KLHL29: variants seen among roughly 807,000 people sequenced by gnomAD.
KLHL29 encodes kelch like family member 29, also known as kelch-like protein 29.
KLHL29 carries 21 observed loss-of-function variants against 80.4 expected under a neutral mutation model. The observed-to-expected ratio is 0.26, with a 90% CI of 0.19 to 0.38. The LOEUF (loss-of-function observed/expected upper bound fraction) is 0.38, where lower values mean the gene tolerates loss of function less well. Among genes scored for constraint, KLHL29 ranks in the 10% least tolerant of loss-of-function variants. The pLI is 1.00. For missense variants in KLHL29, 867 were observed against 1,223.9 expected (o/e 0.71, Z 4.35); for synonymous variants, 511 against 526.8 (o/e 0.97, Z 0.41).
intron 5 of KLHL29, among the ~76,000 whole-genome samples, chr2:23,663,836 G>T (rs777904036): frequency 2.6e-5 from 4 of 152,160 alleles, no homozygotes; most frequent in African/African-American, 9.7e-5. Context: ...CTGGAGTTTG[G>T]GCTGCTGATT....
intron 2 of KLHL29, among the ~76,000 whole-genome samples, chr2:23,496,318 T>TA (rs1331132287): frequency 6.6e-6 from 1 of 152,240 alleles, no homozygotes; most frequent in African/African-American, 2.4e-5. Context: ...AGATAAGTTG[T>TA]ATGACAACAA....
At chr2:23,483,963 AC>A (rs932040579) in intron 2 of KLHL29, among the ~76,000 whole-genome samples, 2 of 152,146 alleles carry the variant, frequency 1.3e-5, no homozygotes, top group African/African-American at 4.8e-5. Context: ...AGCACATACG[AC>A]GTGTCAAGCC....
chr2:23,387,032 A>G (rs955348946), intron 1 of KLHL29, among the ~76,000 whole-genome samples: 49 of 151,896 alleles, frequency 3.2e-4, no homozygotes, highest in African/African-American at 1.1e-3. Context: ...CTGATGGGTA[A>G]GGAGCTGCCG....
intron 2 of KLHL29, among the ~76,000 whole-genome samples, chr2:23,519,669 C>A (rs553930937): frequency 6.6e-6 from 1 of 152,272 alleles, no homozygotes; most frequent in Non-Finnish European, 1.5e-5. Flanking sequence ...GAAGTCCTGA[C>A]GACATGTTCC....
intron 2 of KLHL29, among the ~76,000 whole-genome samples, chr2:23,531,608 T>C (rs1015976971): frequency 3.9e-5 from 6 of 152,158 alleles, no homozygotes; most frequent in Non-Finnish European, 1.5e-5. Context: ...GAGTCACTTA[T>C]TAAAGCTTAA....
intron 3 of KLHL29, among the ~76,000 whole-genome samples, chr2:23,581,344 A>C (rs1409384105): frequency 6.6e-6 from 1 of 152,116 alleles, no homozygotes; most frequent in African/African-American, 2.4e-5. Context: ...TTCAACAAAT[A>C]CTCATGCTTT....
intron 1 of KLHL29, among the ~76,000 whole-genome samples, chr2:23,411,386 T>TGTGTGC (rs1666856401): frequency 6.9e-6 from 1 of 144,348 alleles, no homozygotes; most frequent in South Asian, 2.3e-4. Flanking sequence ...AAATTGTGTG[T>TGTGTGC]GTGTGTGTGT....
intron 1 of KLHL29, among the ~76,000 whole-genome samples, chr2:23,399,106 A>G (rs1666527508): frequency 6.6e-6 from 1 of 152,200 alleles, no homozygotes; most frequent in Admixed American, 6.5e-5. Context: ...CTGACTGTGG[A>G]CAACTCCAAT....
At chr2:23,535,088 T>G (rs1055934428) in intron 2 of KLHL29, among the ~76,000 whole-genome samples, 13 of 152,230 alleles carry the variant, frequency 8.5e-5, no homozygotes, top group Non-Finnish European at 1.5e-5. Flanking sequence ...TTATGGACAT[T>G]ATATCTCCAT....
At chr2:23,638,147 C>T (rs1206205929) in intron 3 of KLHL29, among the ~76,000 whole-genome samples, 1 of 150,510 alleles carries the variant, frequency 6.6e-6, no homozygotes, top group East Asian at 1.9e-4. Context: ...TACCCATAAT[C>T]CTCTCACCCA....
At chr2:23,549,184 T>C (rs576704679) in intron 2 of KLHL29, among the ~76,000 whole-genome samples, 40 of 152,310 alleles carry the variant, frequency 2.6e-4, no homozygotes, top group African/African-American at 9.6e-4. Context: ...CAGCGGGGTG[T>C]GGTGCTCCTC....
chr2:23,425,981 T>C (rs1045104456), intron 1 of KLHL29, among the ~76,000 whole-genome samples: 2 of 152,140 alleles, frequency 1.3e-5, no homozygotes, highest in Non-Finnish European at 2.9e-5. Context: ...ATGTGTGCAT[T>C]CTTCCAGTGT....
At chr2:23,607,032 C>T (rs1668745250) in intron 3 of KLHL29, among the ~76,000 whole-genome samples, 1 of 152,174 alleles carries the variant, frequency 6.6e-6, no homozygotes, top group Non-Finnish European at 1.5e-5. Flanking sequence ...CTCATGAGCC[C>T]CATATGAGGG....
chr2:23,458,092 C>T (rs1267592897), intron 1 of KLHL29, among the ~76,000 whole-genome samples: 3 of 152,230 alleles, frequency 2.0e-5, no homozygotes, highest in African/African-American at 4.8e-5. Flanking sequence ...ATGTCAGTAA[C>T]AGTGCTATAG....
In KLHL29 at chr2:23,706,720, C is replaced by A; in HGVS notation, c.*56C>A. 3 of 1,307,784 alleles carry A rather than the reference C, an allele frequency of 2.3e-6. No individual in the cohort carries two copies. Among genetic ancestry groups the A allele is most frequent in the Non-Finnish European group, 3.0e-6 (3 of 993,240 alleles). The allele number at this position is 1,307,784 out of a possible 1,614,324, so 81.0% of individuals were successfully genotyped here. On this transcript the variant is annotated 3_prime_UTR_variant, in exon 14 of 14. Coordinates refer to ENST00000486442, the MANE Select transcript of KLHL29 (RefSeq NM_052920.2). ...GACAAGTCTGGTGAGGCAAGTGCCA[C>A]GCAATGATAATTTTCCAGCGACACC...
intron 2 of KLHL29, among the ~76,000 whole-genome samples, chr2:23,499,108 C>T (rs896236751): frequency 6.6e-6 from 1 of 152,210 alleles, no homozygotes; most frequent in South Asian, 2.1e-4. Context: ...AGTTTCCTCT[C>T]CTGCAGCTGC....
rs1558413278 is a variant in KLHL29, at chr2:23,624,749, C to T, written c.286-14390C>T. 2.6e-5 allele frequency among the ~76,000 whole-genome samples: 4 copies of T among 152,206 alleles called. No individual in the cohort carries two copies. The South Asian group carries it at 6.2e-4, about 24-fold the overall frequency. ...AAGACTGTGCCTTTGGCACAGCATC[C>T]TTCTTATAAAAGGCTACTTAATATT... On this transcript the variant is annotated intron_variant, in intron 3 of 13. Coordinates refer to ENST00000486442, the MANE Select transcript of KLHL29 (RefSeq NM_052920.2).
chr2:23,657,737 C>T (rs904064783), intron 5 of KLHL29, among the ~76,000 whole-genome samples: 1 of 152,216 alleles, frequency 6.6e-6, no homozygotes, highest in Non-Finnish European at 1.5e-5. Context: ...CCCCTGGGCC[C>T]AGTGCTCCCC....
At chr2:23,418,750 G>A (rs1366715848) in intron 1 of KLHL29, among the ~76,000 whole-genome samples, 1 of 152,056 alleles carries the variant, frequency 6.6e-6, no homozygotes, top group Non-Finnish European at 1.5e-5. Flanking sequence ...AGTCTCAGCT[G>A]TTTCATCTGT....
Sources: allele counts gnomAD v4.1 joint callset (sites outside exome capture counted in the v4.1 genomes callset), GRCh38; gene constraint gnomAD v4.1.1; transcripts MANE v1.5; gene names NCBI Gene and HGNC (gene_info 2026-07-23, HGNC 2026-07-21).